Variants in DOCK8 observed in about 807,000 individuals in gnomAD.
The protein encoded by DOCK8 is dedicator of cytokinesis 8.
DOCK8 carries 141 observed loss-of-function variants against 245.6 expected under a neutral mutation model. The ratio of observed to expected loss-of-function variants is 0.57; its 90% CI spans 0.50 to 0.66. The LOEUF is 0.66. DOCK8 is among the 30% of genes least tolerant of loss of function. The pLI is 0.00. For missense variants in DOCK8, 2,965 were observed against 2,603.4 expected, an observed-to-expected ratio of 1.14 and a Z score of -3.02; for synonymous variants, 1,168 against 970.2, an observed-to-expected ratio of 1.20 and a Z score of -3.79.
chr9:424,062 CTTT>C (rs35430451), intron 33 of DOCK8, among the ~76,000 whole-genome samples: 103 of 147,050 alleles, frequency 7.0e-4, no homozygotes, highest in Non-Finnish European at 9.0e-4. Flanking sequence ...GGGCTTTGTG[CTTT>C]TTTTTTTTTT....
chr9:244,390 C>T (rs111381754), intron 1 of DOCK8, among the ~76,000 whole-genome samples: 1 of 151,974 alleles, frequency 6.6e-6, no homozygotes, highest in Non-Finnish European at 1.5e-5. Flanking sequence ...ATTTAAAAAA[C>T]GCTGGTCACA....
intron 14 of DOCK8, among the ~76,000 whole-genome samples, chr9:367,176 G>C (rs1247864571): frequency 1.3e-5 from 2 of 152,128 alleles, no homozygotes; most frequent in Non-Finnish European, 2.9e-5. Context: ...GCCTGACTCA[G>C]GATAAGTCCT....
intron 1 of DOCK8, among the ~76,000 whole-genome samples, chr9:221,499 TA>T (rs1400515277): frequency 1.3e-5 from 2 of 152,116 alleles, no homozygotes; most frequent in African/African-American, 4.8e-5. Context: ...GTATTATAAA[TA>T]ATCTAGAGAT....
At chr9:444,456 TATG>T (rs1244602147) in intron 43 of DOCK8, among the ~76,000 whole-genome samples, 2 of 152,104 alleles carry the variant, frequency 1.3e-5, no homozygotes, top group African/African-American at 4.8e-5. Flanking sequence ...ATCAGAGTAT[TATG>T]ATAAAGGGTG....
At chr9:233,466 C>G (rs955479980) in intron 1 of DOCK8, among the ~76,000 whole-genome samples, 1 of 152,126 alleles carries the variant, frequency 6.6e-6, no homozygotes, top group Non-Finnish European at 1.5e-5. Flanking sequence ...GACTTTCTGT[C>G]TCACTGATCT....
At chr9:449,654 T>C in intron 44 of DOCK8, 130 bp from the exon 45 acceptor site, 5 of 1,185,154 alleles carry the variant, frequency 4.2e-6, no homozygotes, top group Non-Finnish European at 6.2e-6. Flanking sequence ...TAAGAGTATT[T>C]TAAATTACTC....
chr9:295,074 C>T lies in DOCK8; in HGVS notation c.404+5493C>T, dbSNP rs151219461. Among the ~76,000 whole-genome samples the T allele has an allele frequency of 1.8e-3, 267 of 151,982 alleles. 2 individuals are homozygous for T. The highest frequency in any genetic ancestry group is 6.2e-3 in the African/African-American group (259 of 41,454). ...ACTCAGGAGGCTGAGGCAGGAGAATCGCTTGAACCTGGGAGGCGGAGGTTG... is the reference window on the plus strand; with the variant it reads ...ACTCAGGAGGCTGAGGCAGGAGAATTGCTTGAACCTGGGAGGCGGAGGTTG... On this transcript the variant is annotated intron_variant, in intron 4 of 47. Transcript: ENST00000432829.
At chr9:318,149 C>G (rs976794746) in intron 7 of DOCK8, among the ~76,000 whole-genome samples, 1 of 152,190 alleles carries the variant, frequency 6.6e-6, no homozygotes, top group Non-Finnish European at 1.5e-5. Flanking sequence ...CGGAGTGCCT[C>G]CATACCTCTC....
At chr9:228,848 C>G (rs12338838) in intron 1 of DOCK8, among the ~76,000 whole-genome samples, 1 of 152,080 alleles carries the variant, frequency 6.6e-6, no homozygotes, top group African/African-American at 2.4e-5. Context: ...CTGCCATTAT[C>G]GGGTGGCTCA....
At chr9:422,243 GAAAC>G in intron 33 of DOCK8, 108 bp downstream of exon 33, 1 of 907,276 alleles carries the variant, frequency 1.1e-6, no homozygotes, top group Non-Finnish European at 1.8e-6. Flanking sequence ...GTTAGAAAAT[GAAAC>G]ATCATTATCT....
intron 4 of DOCK8, among the ~76,000 whole-genome samples, chr9:292,387 C>CAAAAAAAAAAA (rs5895837): frequency 3.2e-5 from 2 of 63,070 alleles, no homozygotes; most frequent in Non-Finnish European, 5.2e-5. Flanking sequence ...AACTCCGTCT[C>CAAAAAAAAAAA]AAAAAAAAAA....
intron 27 of DOCK8, among the ~76,000 whole-genome samples, chr9:405,421 GT>G (rs1311327023): frequency 1.3e-5 from 2 of 152,174 alleles, no homozygotes; most frequent in Admixed American, 1.3e-4. Context: ...AAGTAAATAA[GT>G]TTTGGAAACC....
At position 271,624 on chromosome 9, in the gene DOCK8, A is replaced by G. The variant is rs2048167572; in HGVS notation, c.54-3A>G. On this transcript the variant is annotated splice_region_variant and splice_polypyrimidine_tract_variant and intron_variant, in intron 1 of 47. Transcript: ENST00000432829. ...CATTTAGATTTTTCTATTTTAATCC[A>G]AGGTATTCTTCAGCGGAAATAAGGA... 2 of 1,536,762 alleles carry G rather than the reference A, an allele frequency of 1.3e-6. No homozygotes were observed. The highest frequency in any genetic ancestry group is 2.7e-5 in the African/African-American group (2 of 72,756).
rs78125751 is a variant in DOCK8 at position 327,962 on chromosome 9, A to G, written c.895-60A>G. The G allele has an allele frequency of 4.1e-3, 6,223 of 1,533,130 alleles. 230 individuals carry two copies. In the African/African-American group the frequency reaches 0.075, roughly 19 times the overall value. 95.0% of individuals were successfully genotyped at this position (1,533,130 alleles called of 1,614,324 possible). On this transcript the variant is annotated intron_variant, in intron 8 of 47. Transcript: ENST00000432829. ...TGTGGTGTTTTTACTCCTTTTTAACATGTTTAAACCATGAATGCAACAGGT... is the reference window on the plus strand; with the variant it reads ...TGTGGTGTTTTTACTCCTTTTTAACGTGTTTAAACCATGAATGCAACAGGT...
At chr9:261,371 A>G (rs1312393783) in intron 1 of DOCK8, among the ~76,000 whole-genome samples, 2 of 152,220 alleles carry the variant, frequency 1.3e-5, no homozygotes, top group Non-Finnish European at 2.9e-5. Flanking sequence ...AAAGAAAGAT[A>G]TGCTTAAAAT....
intron 11 of DOCK8, 150 bp from the exon 12 acceptor site, chr9:336,432 G>C: frequency 9.4e-7 from 1 of 1,064,234 alleles, no homozygotes; most frequent in Non-Finnish European, 1.4e-6. Context: ...AAAGGTAGGG[G>C]CCAATGGAAG....
intron 33 of DOCK8, among the ~76,000 whole-genome samples, chr9:425,463 T>C (rs57671818): frequency 0.061 from 8,661 of 141,948 alleles, 549 homozygotes; most frequent in African/African-American, 0.14. Flanking sequence ...ACCCGGGAAG[T>C]GGAGCTTGCG....
chr9:429,844 G>C lies in DOCK8; in HGVS notation c.4616G>C (p.Gly1539Ala). 1 of 1,614,050 alleles carries C rather than the reference G, an allele frequency of 6.2e-7. No homozygotes were observed. The highest frequency in any genetic ancestry group is 8.5e-7 in the Non-Finnish European group (1 of 1,179,986). ...TACCTCCTCATGAGGTTCAGTTTTGGAGCCACCAGTGTAAGAGTTCAAACC... is the reference window on the plus strand; with the variant it reads ...TACCTCCTCATGAGGTTCAGTTTTGCAGCCACCAGTGTAAGAGTTCAAACC... ...TLYLLMRFSF[G>A]ATSNFARVKM... The change falls in exon 36 of 48, where the codon GGA (glycine) becomes GCA (alanine). Residue 1539 changes from glycine to alanine, a missense_variant. Gly to Ala is a moderately conservative substitution (Grantham distance 60). Transcript: ENST00000432829.
At chr9:388,307 C>A (rs184913242) in intron 23 of DOCK8, among the ~76,000 whole-genome samples, 225 of 152,290 alleles carry the variant, frequency 1.5e-3, no homozygotes, top group African/African-American at 5.1e-3. Flanking sequence ...TGTGTTAACG[C>A]ATATTAAAAT....
Sources: allele counts gnomAD v4.1 joint callset (sites outside exome capture counted in the v4.1 genomes callset), GRCh38; gene constraint gnomAD v4.1.1; transcripts MANE v1.5; gene names NCBI Gene and HGNC (gene_info 2026-07-23, HGNC 2026-07-21).